The following AREL1 variants were observed in gnomAD, a reference collection of about 807,000 sequenced individuals.
AREL1 encodes apoptosis resistant E3 ubiquitin protein ligase 1.
In AREL1, 62 loss-of-function variants were observed where a neutral mutation model predicts 99.0. That is an observed-to-expected ratio of 0.63 (90% CI 0.51 to 0.77). AREL1 has a LOEUF of 0.77. AREL1 is among the 30% of genes least tolerant of loss of function. The pLI, the probability that AREL1 is intolerant of heterozygous loss-of-function variation, is 0.00. For synonymous variants in AREL1, 380 were observed against 376.5 expected (o/e 1.01, Z -0.11); for missense variants, 879 against 1,027.6 (o/e 0.86, Z 1.98).
intron 5 of AREL1, among the ~76,000 whole-genome samples, chr14:74,681,216 TG>T (rs2089619744): frequency 6.6e-6 from 1 of 151,850 alleles, no homozygotes; most frequent in African/African-American, 2.4e-5. Context: ...ATACCACGTT[TG>T]GAGAGAAAAA....
intron 9 of AREL1, among the ~76,000 whole-genome samples, 184 bp downstream of exon 9, chr14:74,673,850 C>T (rs1394240001): frequency 2.0e-5 from 3 of 152,130 alleles, no homozygotes; most frequent in Non-Finnish European, 4.4e-5. Flanking sequence ...TGCGTCCTTC[C>T]AGAATTTATA....
At chr14:74,685,520 A>C in intron 3 of AREL1, 80 bp downstream of exon 3, 1 of 1,516,394 alleles carries the variant, frequency 6.6e-7, no homozygotes, top group Non-Finnish European at 9.1e-7. Context: ...TTTCAAAGGG[A>C]AAAGAATAGG....
intron 15 of AREL1, 73 bp downstream of exon 15, chr14:74,669,576 A>G: frequency 6.6e-7 from 1 of 1,526,490 alleles, no homozygotes; most frequent in Non-Finnish European, 8.8e-7. Context: ...CACTGCAGAA[A>G]GTTCTCTTAG....
In AREL1 at chr14:74,669,780, G is replaced by C; in HGVS notation, c.1789-6C>G. ...GGGTCATCTGTTTCAAAGTACTGAG[G>C]AGGCAGAAAGACACAGAACAGAACA... On this transcript the variant is annotated splice_polypyrimidine_tract_variant and splice_region_variant and intron_variant, in intron 14 of 19. Transcript: ENST00000356357. The C allele has an allele frequency of 6.2e-7, 1 of 1,614,064 alleles. No homozygotes were observed.
At chr14:74,688,124 C>T (rs778044975) in intron 2 of AREL1, among the ~76,000 whole-genome samples, 2 of 146,082 alleles carry the variant, frequency 1.4e-5, no homozygotes, top group African/African-American at 5.1e-5. Context: ...CTCCCGGGTT[C>T]GCGCCATTCT....
intron 16 of AREL1, 25 bp downstream of exon 16, chr14:74,667,440 A>T (rs2089233589): frequency 2.5e-6 from 4 of 1,614,046 alleles, no homozygotes; most frequent in Non-Finnish European, 3.4e-6. Flanking sequence ...TTTAACTTCA[A>T]GGCCAAGAAC....
rs768507976 is a variant in AREL1 at position 74,663,919 on chromosome 14, C to A, written c.2349G>T (p.Thr783=). 12 of 1,614,036 alleles carry A rather than the reference C, an allele frequency of 7.4e-6. No individual in the cohort carries two copies. The African/African-American group carries it at 9.3e-5, about 13-fold the overall frequency. The change falls in exon 19 of 20, where the codon ACG becomes ACT. Residue 783 remains threonine (T), a synonymous_variant. Transcript: ENST00000356357. The stretch of plus-strand genomic sequence containing the variant: ...CCTACCATGTGTGTGCAGTAGGCAG[C>A]GTGCTATGGGTCGGAGCGGCAATAA... The part of the protein sequence containing the change: ...FQIIAAPTHS[T]LPTAHTCFNQ...
intron 1 of AREL1, among the ~76,000 whole-genome samples, chr14:74,705,746 T>C (rs1185870679): frequency 3.9e-5 from 6 of 152,160 alleles, no homozygotes; most frequent in Admixed American, 6.5e-5. Context: ...CTTAATTCAG[T>C]TTGGATTCTC....
intron 1 of AREL1, among the ~76,000 whole-genome samples, chr14:74,705,366 A>G (rs2090158896): frequency 6.6e-6 from 1 of 152,054 alleles, no homozygotes; most frequent in Non-Finnish European, 1.5e-5. Flanking sequence ...CTGAATTTGG[A>G]AAGATTTTAA....
At chr14:74,671,928 G>A (rs781753257) in intron 11 of AREL1, 14 of 441,396 alleles carry the variant, frequency 3.2e-5, no homozygotes, top group African/African-American at 8.1e-5. Context: ...CATGCCACAC[G>A]GAGAATATGG....
At chr14:74,693,461 TACAC>T (rs2089924322) in intron 1 of AREL1, among the ~76,000 whole-genome samples, 1 of 152,156 alleles carries the variant, frequency 6.6e-6, no homozygotes, top group African/African-American at 2.4e-5. Context: ...TGGCAATGCA[TACAC>T]AAACAGCCAC....
At chr14:74,699,371 G>A (rs1187320703) in intron 1 of AREL1, among the ~76,000 whole-genome samples, 1 of 129,974 alleles carries the variant, frequency 7.7e-6, no homozygotes, top group East Asian at 2.1e-4. Context: ...GTGTGTGTGT[G>A]TGTGTGAGAG....
chr14:74,679,887 G>A (rs1462241561), intron 5 of AREL1, among the ~76,000 whole-genome samples: 3 of 151,308 alleles, frequency 2.0e-5, no homozygotes, highest in Non-Finnish European at 4.4e-5. Flanking sequence ...TTAGATAATG[G>A]GCAAAAGGGC....
intron 18 of AREL1, 30 bp from the exon 19 acceptor site, chr14:74,664,104 C>T (rs1012024715): frequency 1.2e-6 from 2 of 1,601,888 alleles, no homozygotes; most frequent in African/African-American, 2.7e-5. Flanking sequence ...GCTGGGATCA[C>T]ACACAGTAAA....
chr14:74,661,607 A>G lies in AREL1; in HGVS notation c.*2113T>C, dbSNP rs1595331627. ...TGGCTAGTATGAAAGCAGGATTAGA[A>G]AAAAAAAAAACAAAACAGTAAAAGA... is the stretch of plus-strand genomic sequence containing the variant. On this transcript the variant is annotated 3_prime_UTR_variant, in exon 20 of 20. Coordinates refer to ENST00000356357, the MANE Select transcript of AREL1 (RefSeq NM_001039479.2). The G allele has an allele frequency of 2.1e-5, 2 of 97,304 alleles. No individual in the cohort carries two copies. The highest frequency in any genetic ancestry group is 1.1e-4 in the African/African-American group (1 of 9,482). 6.0% of individuals were successfully genotyped at this position (97,304 alleles called of 1,614,324 possible). A position where few individuals can be genotyped will look rare whatever the true frequency, so the allele number is the denominator to read the frequency against.
chr14:74,691,219 C>CT (rs979891303), intron 2 of AREL1: 17 of 149,844 alleles, frequency 1.1e-4, no homozygotes, highest in Non-Finnish European at 2.1e-4. Context: ...ACTTGGGAGG[C>CT]TGAGGCGGGA....
chr14:74,699,729 A>AT (rs1217277535), intron 1 of AREL1, among the ~76,000 whole-genome samples: 1 of 152,152 alleles, frequency 6.6e-6, no homozygotes, highest in Non-Finnish European at 1.5e-5. Context: ...AATATACATC[A>AT]TTTTGTTTGA....
At chr14:74,711,187 C>A (rs547907674) in intron 1 of AREL1, among the ~76,000 whole-genome samples, 14 of 147,188 alleles carry the variant, frequency 9.5e-5, no homozygotes, top group African/African-American at 3.0e-4. Flanking sequence ...GCCGAGATTG[C>A]GCCATTGCAC....
chr14:74,664,869 T>C lies in AREL1; in HGVS notation c.2160A>G (p.Val720=), dbSNP rs2089177291. Residue 720 remains valine (V), a synonymous_variant, in exon 18 of 20, where the codon GTA becomes GTG. Coordinates refer to ENST00000356357, the MANE Select transcript of AREL1 (RefSeq NM_001039479.2). ...TGAAATGCCATGAGCCACCAACAAC[T>C]ACTGCATGGGCTTTGAAGTCAGACA... The part of the protein sequence containing the change: ...ISVSDFKAHA[V]VVGGSWHFRE... 1.2e-6 allele frequency: 2 copies of C among 1,613,702 alleles called. No individual in the cohort carries two copies. Among genetic ancestry groups the C allele is most frequent in the African/African-American group, 1.3e-5 (1 of 74,872 alleles).
Sources: allele counts gnomAD v4.1 joint callset (sites outside exome capture counted in the v4.1 genomes callset), GRCh38; gene constraint gnomAD v4.1.1; transcripts MANE v1.5; gene names NCBI Gene and HGNC (gene_info 2026-07-23, HGNC 2026-07-21).